USP48: variants seen among roughly 807,000 people sequenced by gnomAD.
USP48 encodes ubiquitin carboxyl-terminal hydrolase 48.
In USP48, 43 loss-of-function variants were observed where a neutral mutation model predicts 150.7. That is an observed-to-expected ratio of 0.29 (90% CI 0.22 to 0.37). The LOEUF (loss-of-function observed/expected upper bound fraction) is 0.37. Among genes scored for constraint, USP48 ranks in the 10% least tolerant of loss-of-function variants. The pLI is 1.00. For synonymous variants in USP48, 396 were observed against 425.9 expected (o/e 0.93, Z 0.86); for missense variants, 813 against 1,249.6 (o/e 0.65, Z 5.27).
At position 21,768,764 on chromosome 1, in the gene USP48, C is replaced by T. The variant is rs545453889; in HGVS notation, c.135-10981G>A. Among the ~76,000 whole-genome samples, 3 of 151,656 alleles carry T rather than the reference C, an allele frequency of 2.0e-5. No individual in the cohort carries two copies. The South Asian group carries it at 6.3e-4, about 32-fold the overall frequency. ...CCAGCATACCCACCACCCGTGTAGG[C>T]CACTCCTGCTAGTAGTAATAAAACA... On this transcript the variant is annotated intron_variant, in intron 1 of 26. Coordinates refer to ENST00000308271, the MANE Select transcript of USP48 (RefSeq NM_032236.8).
At chr1:21,705,468 G>C (rs991041656) in intron 19 of USP48, among the ~76,000 whole-genome samples, 2 of 152,138 alleles carry the variant, frequency 1.3e-5, no homozygotes, top group African/African-American at 4.8e-5. Context: ...CAGCAGCGGG[G>C]GAAGAGAAAG....
chr1:21,693,951 C>CA (rs757345200), intron 23 of USP48, among the ~76,000 whole-genome samples: 2 of 152,188 alleles, frequency 1.3e-5, no homozygotes, highest in Non-Finnish European at 2.9e-5. Flanking sequence ...AACTATGCCA[C>CA]ATAAAAGTAG....
At chr1:21,705,596 A>G in intron 19 of USP48, 131 bp downstream of exon 19, 1 of 630,042 alleles carries the variant, frequency 1.6e-6, no homozygotes. Context: ...GGAAAAAAAA[A>G]CCCCACAATT....
intron 15 of USP48, among the ~76,000 whole-genome samples, chr1:21,711,092 T>TTATA (rs565940124): frequency 1.3e-5 from 2 of 151,390 alleles, no homozygotes; most frequent in Non-Finnish European, 2.9e-5. Context: ...AAGGAATTAT[T>TTATA]TATATATATA....
At position 21,747,140 on chromosome 1, in the gene USP48, T is replaced by A. The variant is rs1422281761; in HGVS notation, c.918A>T (p.Gly306=). 2 of 1,610,534 alleles carry A rather than the reference T, an allele frequency of 1.2e-6. No homozygotes were observed. Among genetic ancestry groups the A allele is most frequent in the South Asian group, 2.2e-5 (2 of 90,616 alleles). ...LMRFVFDRQT[G]HKKKLNTYIG... ...TGTAGGTATTCAGCTTTTTCTTATG[T>A]CCAGTTTGCCTAACCAAGAGGAAAG... Residue 306 remains glycine (G), a synonymous_variant, in exon 8 of 27, where the codon GGA becomes GGT. Coordinates refer to ENST00000308271, the MANE Select transcript of USP48 (RefSeq NM_032236.8).
At chr1:21,751,190 GACA>G (rs1191641437) in intron 6 of USP48, among the ~76,000 whole-genome samples, 12 of 152,218 alleles carry the variant, frequency 7.9e-5, no homozygotes, top group African/African-American at 2.2e-4. Flanking sequence ...GTTTTCATTA[GACA>G]ACAAGGTAAA....
chr1:21,739,899 G>C (rs1438762042), intron 8 of USP48, among the ~76,000 whole-genome samples: 1 of 150,748 alleles, frequency 6.6e-6, no homozygotes, highest in Non-Finnish European at 1.5e-5. Flanking sequence ...ATATAGTATC[G>C]ATGAGATCAT....
At chr1:21,749,799 CA>C (rs999215508) in intron 6 of USP48, among the ~76,000 whole-genome samples, 1 of 152,058 alleles carries the variant, frequency 6.6e-6, no homozygotes, top group Admixed American at 6.6e-5. Flanking sequence ...GACGGTCTAT[CA>C]CTATGTTGCC....
intron 9 of USP48, among the ~76,000 whole-genome samples, chr1:21,733,029 C>T (rs2097760567): frequency 6.6e-6 from 1 of 152,014 alleles, no homozygotes; most frequent in Admixed American, 6.5e-5. Flanking sequence ...AACGCCTGAA[C>T]AAAAAAGGTT....
At chr1:21,682,604 T>C (rs1259113866) in intron 25 of USP48, among the ~76,000 whole-genome samples, 2 of 152,110 alleles carry the variant, frequency 1.3e-5, no homozygotes, top group Non-Finnish European at 2.9e-5. Flanking sequence ...GGGCCAGGCG[T>C]AGTGGCTCAC....
intron 14 of USP48, among the ~76,000 whole-genome samples, chr1:21,720,301 T>C (rs2097716550): frequency 6.6e-6 from 1 of 152,198 alleles, no homozygotes; most frequent in African/African-American, 2.4e-5. Context: ...ACAGAATTAA[T>C]ATTAATTTTG....
Position 21,783,124 on chromosome 1 carries a change from C to A in USP48, c.-167G>T, listed in dbSNP as rs2097918804. On this transcript the variant is annotated 5_prime_UTR_variant, in exon 1 of 27. Transcript: ENST00000308271. ...GCGCGCCACTGCCGCCGCGCCCGCCCGCGCCCGACCCGCACGACCGGCCGC... is the reference window on the plus strand; with the variant it reads ...GCGCGCCACTGCCGCCGCGCCCGCCAGCGCCCGACCCGCACGACCGGCCGC... 3 of 1,071,678 alleles carry A rather than the reference C, an allele frequency of 2.8e-6. No homozygotes were observed. The highest frequency in any genetic ancestry group is 3.7e-6 in the Non-Finnish European group (3 of 816,218). The allele number at this position is 1,071,678 out of a possible 1,614,324, so 66.4% of individuals were successfully genotyped here. A position where few individuals can be genotyped will look rare whatever the true frequency, so the allele number is the denominator to read the frequency against.
intron 1 of USP48, among the ~76,000 whole-genome samples, chr1:21,766,200 A>C (rs1482021264): frequency 6.6e-6 from 1 of 151,990 alleles, no homozygotes; most frequent in Non-Finnish European, 1.5e-5. Flanking sequence ...AAACCCTACT[A>C]AACTTCTACT....
At chr1:21,756,493 A>C (rs1487855473) in intron 3 of USP48, 53 bp downstream of exon 3, 2 of 1,514,908 alleles carry the variant, frequency 1.3e-6, no homozygotes, top group African/African-American at 2.9e-5. Context: ...AAAAAAAAAA[A>C]AGTTTAAAAA....
rs1450899804 is a variant in USP48 at position 21,722,048 on chromosome 1, G to A, written c.1649-284C>T. ...CAAGGTTTACATGCAATCTTTACAA[G>A]ATGATAATCAAATCACTGAGGTTCT... On this transcript the variant is annotated intron_variant, in intron 12 of 26. Transcript: ENST00000308271. 2.0e-5 allele frequency among the ~76,000 whole-genome samples: 3 copies of A among 152,046 alleles called. No individual in the cohort carries two copies. The East Asian group carries it at 5.8e-4, about 29-fold the overall frequency.
chr1:21,700,489 A>T (rs1173847454), intron 22 of USP48, among the ~76,000 whole-genome samples: 1 of 152,242 alleles, frequency 6.6e-6, no homozygotes, highest in East Asian at 1.9e-4. Context: ...AACAGTATCA[A>T]CATGCAGACA....
Position 21,754,205 on chromosome 1 carries a change from G to A in USP48, c.413-1086C>T, listed in dbSNP as rs557898947. Among the ~76,000 whole-genome samples, 9 of 152,192 alleles carry A rather than the reference G, an allele frequency of 5.9e-5. No homozygotes were observed. The South Asian group carries it at 1.7e-3, about 28-fold the overall frequency. On this transcript the variant is annotated intron_variant, in intron 3 of 26. Coordinates refer to ENST00000308271, the MANE Select transcript of USP48 (RefSeq NM_032236.8). ...ATAGAATTAGCAACCATGTTTTGTG[G>A]AAGTCATGAGGCAGCCAGGACTGTC...
At chr1:21,688,830 G>A (rs576486167) in intron 24 of USP48, among the ~76,000 whole-genome samples, 24 of 117,554 alleles carry the variant, frequency 2.0e-4, no homozygotes, top group African/African-American at 6.5e-4. Flanking sequence ...GCAACACAGC[G>A]AGACTCCATC....
At chr1:21,716,216 T>C (rs1020127923) in intron 14 of USP48, among the ~76,000 whole-genome samples, 1 of 152,234 alleles carries the variant, frequency 6.6e-6, no homozygotes, top group Non-Finnish European at 1.5e-5. Context: ...AGGAAGCACT[T>C]TGTGGCTTCT....
Sources: gnomAD v4.1 joint callset for allele counts (sites outside exome capture counted in the v4.1 genomes callset) on GRCh38, gnomAD v4.1.1 for gene constraint, MANE v1.5 for transcripts, NCBI Gene and HGNC (gene_info 2026-07-23, HGNC 2026-07-21) for gene names.